TXNDC16: variants seen among roughly 807,000 people sequenced by gnomAD.
TXNDC16 encodes the protein thioredoxin domain containing 16, also known as thioredoxin domain-containing protein 16.
In TXNDC16, 74 loss-of-function variants were observed where a neutral mutation model predicts 85.6. That is an observed-to-expected ratio of 0.86 (90% confidence interval 0.72 to 1.05). The LOEUF (loss-of-function observed/expected upper bound fraction) is 1.05. Ranked by LOEUF, TXNDC16 falls within the 50% of genes least tolerant of loss-of-function variation. The pLI, the probability that TXNDC16 is intolerant of heterozygous loss-of-function variation, is 0.00. For missense variants in TXNDC16, 959 were observed against 947.0 expected (o/e 1.01, Z -0.17); for synonymous variants, 335 against 326.5 (o/e 1.03, Z -0.28).
rs994427910 is a variant in TXNDC16 at position 52,490,916 on chromosome 14, A to AG, written c.845dup (p.Tyr283LeufsTer2). 6 of 1,613,502 alleles carry AG rather than the reference A, an allele frequency of 3.7e-6. No homozygotes were observed. Among genetic ancestry groups the AG allele is most frequent in the Non-Finnish European group, 5.1e-6 (6 of 1,179,866 alleles). On this transcript the variant is annotated frameshift_variant, in exon 10 of 21. Transcript: ENST00000281741. LOFTEE classifies it high-confidence loss of function. ...CTGCAGTTCTTCTATCAGCTTCATA[A>AG]GTAGCCTGTTGGCTAACAATAAAAA... is the stretch of plus-strand genomic sequence containing the variant.
rs2140231672 is a variant in TXNDC16, at chr14:52,544,382, A to G, written c.-181-11T>C. ...GATGATCTATGTTATCTACATTTAA[A>G]AGAAGAAAGTTTAGAAAAATTAGTA... On this transcript the variant is annotated splice_polypyrimidine_tract_variant and intron_variant, in intron 1 of 20. Coordinates refer to ENST00000281741, the MANE Select transcript of TXNDC16 (RefSeq NM_020784.3). The G allele has an allele frequency of 6.6e-6, 1 of 152,202 alleles. No homozygotes were observed. The highest frequency in any genetic ancestry group is 2.1e-4 in the South Asian group (1 of 4,834). 9.4% of individuals were successfully genotyped at this position (152,202 alleles called of 1,614,324 possible). A position where few individuals can be genotyped will look rare whatever the true frequency, so the allele number is the denominator to read the frequency against.
At chr14:52,504,654 T>G (rs2036748146) in intron 9 of TXNDC16, among the ~76,000 whole-genome samples, 1 of 152,202 alleles carries the variant, frequency 6.6e-6, no homozygotes, top group South Asian at 2.1e-4. Context: ...AGGAAGAAAT[T>G]GCATCAACTA....
chr14:52,451,212 A>T (rs932119839), intron 18 of TXNDC16, among the ~76,000 whole-genome samples: 1 of 151,642 alleles, frequency 6.6e-6, no homozygotes, highest in African/African-American at 2.4e-5. Context: ...CCACTAAAGA[A>T]CTTACCCATG....
At chr14:52,492,548 T>C (rs2036432350) in intron 9 of TXNDC16, among the ~76,000 whole-genome samples, 1 of 152,156 alleles carries the variant, frequency 6.6e-6, no homozygotes, top group African/African-American at 2.4e-5. Context: ...TCTGCAACAG[T>C]GTTGCCTGCC....
At chr14:52,479,361 G>A (rs1220130577) in intron 14 of TXNDC16, among the ~76,000 whole-genome samples, 1 of 152,066 alleles carries the variant, frequency 6.6e-6, no homozygotes, top group East Asian at 1.9e-4. Flanking sequence ...CTGGTAAAGA[G>A]GAAGTCAAAC....
chr14:52,452,025 T>A (rs1429486015), intron 18 of TXNDC16, among the ~76,000 whole-genome samples: 2 of 152,186 alleles, frequency 1.3e-5, no homozygotes, highest in Non-Finnish European at 2.9e-5. Flanking sequence ...ATCAGCAGCA[T>A]TTTTATATGC....
chr14:52,529,292 A>G (rs2037417213), intron 6 of TXNDC16, among the ~76,000 whole-genome samples: 1 of 148,366 alleles, frequency 6.7e-6, no homozygotes, highest in African/African-American at 2.5e-5. Flanking sequence ...ACATATGGAC[A>G]CAGGAAGGGG....
At chr14:52,478,825 T>A (rs920350573) in intron 14 of TXNDC16, among the ~76,000 whole-genome samples, 1 of 152,024 alleles carries the variant, frequency 6.6e-6, no homozygotes, top group Non-Finnish European at 1.5e-5. Context: ...GACACCAGTA[T>A]CACCCTAATA....
At chr14:52,455,867 T>C (rs1426246539) in intron 17 of TXNDC16, among the ~76,000 whole-genome samples, 7 of 152,210 alleles carry the variant, frequency 4.6e-5, no homozygotes, top group Admixed American at 4.6e-4. Context: ...ATTTCAATTA[T>C]GTTTTTATTT....
chr14:52,464,268 C>T (rs1005154837), intron 16 of TXNDC16, among the ~76,000 whole-genome samples: 14 of 152,142 alleles, frequency 9.2e-5, no homozygotes, highest in South Asian at 2.1e-4. Flanking sequence ...TGACGATAGA[C>T]GGCAAAAATT....
intron 16 of TXNDC16, among the ~76,000 whole-genome samples, chr14:52,461,301 G>T (rs1179091467): frequency 1.3e-5 from 2 of 151,734 alleles, no homozygotes; most frequent in Non-Finnish European, 2.9e-5. Context: ...ATTTGTAGAT[G>T]AAAATCATTT....
chr14:52,468,813 T>G (rs892110011), intron 16 of TXNDC16, among the ~76,000 whole-genome samples: 3 of 150,426 alleles, frequency 2.0e-5, no homozygotes, highest in Non-Finnish European at 4.4e-5. Context: ...GGAGGTTGAG[T>G]GTGCAGTGAG....
intron 6 of TXNDC16, among the ~76,000 whole-genome samples, chr14:52,533,439 G>T (rs2037629121): frequency 6.6e-6 from 1 of 152,012 alleles, no homozygotes; most frequent in African/African-American, 2.4e-5. Flanking sequence ...TCACAGAATG[G>T]TTTATACATG....
At chr14:52,479,335 A>C (rs1164556704) in intron 14 of TXNDC16, among the ~76,000 whole-genome samples, 2 of 152,160 alleles carry the variant, frequency 1.3e-5, no homozygotes, top group Non-Finnish European at 2.9e-5. Flanking sequence ...AAGAGAAAGA[A>C]ATAAAGGCAT....
intron 9 of TXNDC16, 111 bp downstream of exon 9, chr14:52,511,129 C>T: frequency 1.1e-6 from 1 of 896,958 alleles, no homozygotes; most frequent in South Asian, 3.5e-5. Flanking sequence ...TCTAGTAAAA[C>T]ATGCATCTAT....
At chr14:52,460,718 C>A (rs576330307) in intron 16 of TXNDC16, among the ~76,000 whole-genome samples, 1 of 150,290 alleles carries the variant, frequency 6.7e-6, no homozygotes, top group African/African-American at 2.5e-5. Context: ...TTTTAAAAAG[C>A]AAAGACCTTT....
Position 52,550,618 on chromosome 14 carries a change from A to G in TXNDC16, c.-182+1698T>C, listed in dbSNP as rs188693311. Among the ~76,000 whole-genome samples, 349 of 152,316 alleles carry G rather than the reference A, an allele frequency of 2.3e-3. 4 individuals are homozygous for G. The highest frequency in any genetic ancestry group is 7.9e-3 in the African/African-American group (330 of 41,568). On this transcript the variant is annotated intron_variant, in intron 1 of 20. Transcript: ENST00000281741. Reference sequence around the variant, plus strand: ...TCACAGGCCAAGACCTAAAATTAGTATGGGTACTATCCAGATGTTTACTAT... The same window carrying G: ...TCACAGGCCAAGACCTAAAATTAGTGTGGGTACTATCCAGATGTTTACTAT...
chr14:52,470,011 T>A, intron 16 of TXNDC16, 26 bp downstream of exon 16: 2 of 1,588,732 alleles, frequency 1.3e-6, no homozygotes, highest in Middle Eastern at 1.7e-4. Context: ...CTCTACTGTA[T>A]AATTTAAAAG....
chr14:52,490,505 CA>C, intron 10 of TXNDC16, 54 bp from the exon 11 acceptor site: 1 of 1,308,026 alleles, frequency 7.6e-7, no homozygotes, highest in South Asian at 1.3e-5. Flanking sequence ...GAATAATAGT[CA>C]CCCAGGACTT....
Sources: allele counts gnomAD v4.1 joint callset (sites outside exome capture counted in the v4.1 genomes callset), GRCh38; gene constraint gnomAD v4.1.1; transcripts MANE v1.5; gene names NCBI Gene and HGNC (gene_info 2026-07-23, HGNC 2026-07-21).